Variants in MARCHF4 observed in about 807,000 individuals in gnomAD.
MARCHF4 encodes the protein E3 ubiquitin-protein ligase MARCHF4.
MARCHF4 carries 14 observed loss-of-function variants against 43.9 expected under a neutral mutation model. The ratio of observed to expected loss-of-function variants is 0.32; its 90% CI spans 0.21 to 0.50. The LOEUF (loss-of-function observed/expected upper bound fraction) is 0.50. MARCHF4 is among the 20% of genes least tolerant of loss of function. MARCHF4 has a pLI of 0.98. For missense variants in MARCHF4, 468 were observed against 536.7 expected (o/e 0.87, Z 1.27); for synonymous variants, 226 against 213.3 (o/e 1.06, Z -0.52).
intron 1 of MARCHF4, among the ~76,000 whole-genome samples, chr2:216,323,599 T>C (rs1258075577): frequency 1.3e-5 from 2 of 151,904 alleles, no homozygotes; most frequent in African/African-American, 4.8e-5. Context: ...AGAACACAAA[T>C]TATAACAAAC....
intron 3 of MARCHF4, among the ~76,000 whole-genome samples, chr2:216,274,591 G>C (rs1690992528): frequency 6.6e-6 from 1 of 152,084 alleles, no homozygotes; most frequent in Non-Finnish European, 1.5e-5. Context: ...TTTACCATCA[G>C]TAAAATCCCC....
intron 1 of MARCHF4, among the ~76,000 whole-genome samples, chr2:216,368,933 G>T (rs949456200): frequency 6.6e-6 from 1 of 152,290 alleles, no homozygotes; most frequent in Middle Eastern, 3.4e-3. Flanking sequence ...GGGAAAACCT[G>T]CCAGACTTGG....
chr2:216,281,015 G>C (rs1291518986), intron 2 of MARCHF4, among the ~76,000 whole-genome samples: 1 of 150,142 alleles, frequency 6.7e-6, no homozygotes, highest in Non-Finnish European at 1.5e-5. Flanking sequence ...TCGCTGAGAT[G>C]ATGCCCCATG....
At chr2:216,287,818 T>G (rs1691241269) in intron 1 of MARCHF4, among the ~76,000 whole-genome samples, 1 of 151,574 alleles carries the variant, frequency 6.6e-6, no homozygotes, top group Non-Finnish European at 1.5e-5. Flanking sequence ...AAAAAGAACA[T>G]GGTTTTGGGA....
At chr2:216,312,555 T>C (rs1030976557) in intron 1 of MARCHF4, among the ~76,000 whole-genome samples, 11 of 152,210 alleles carry the variant, frequency 7.2e-5, no homozygotes, top group African/African-American at 2.7e-4. Context: ...CATCTGTTGT[T>C]TTCTGACTTT....
intron 1 of MARCHF4, among the ~76,000 whole-genome samples, chr2:216,311,340 C>T (rs865791299): frequency 2.6e-5 from 4 of 152,080 alleles, no homozygotes; most frequent in Non-Finnish European, 5.9e-5. Flanking sequence ...TCACTGCAAC[C>T]TCCGCCTCCC....
Position 216,370,349 on chromosome 2 carries a change from T to A in MARCHF4, c.-89A>T. The A allele has an allele frequency of 1.6e-6, 2 of 1,213,452 alleles. No homozygotes were observed. Among genetic ancestry groups the A allele is most frequent in the Non-Finnish European group, 2.2e-6 (2 of 899,780 alleles). 75.2% of individuals were successfully genotyped at this position (1,213,452 alleles called of 1,614,324 possible). ...AGGTTTTGGGGGTCCACAGTGGATC[T>A]GTGTTGTGGGGGGAGTCTGCTTTCT... On this transcript the variant is annotated 5_prime_UTR_variant, in exon 1 of 4. Transcript: ENST00000273067.
chr2:216,352,020 C>G (rs1692411240), intron 1 of MARCHF4, among the ~76,000 whole-genome samples: 1 of 152,168 alleles, frequency 6.6e-6, no homozygotes, highest in Non-Finnish European at 1.5e-5. Context: ...GTATGTGCTG[C>G]ATTTCTGACT....
At chr2:216,362,364 C>T (rs1331192460) in intron 1 of MARCHF4, among the ~76,000 whole-genome samples, 2 of 152,186 alleles carry the variant, frequency 1.3e-5, no homozygotes, top group East Asian at 3.8e-4. Context: ...TGAACATGTG[C>T]AAGTAGCAGG....
intron 1 of MARCHF4, among the ~76,000 whole-genome samples, chr2:216,311,725 A>G (rs1691690043): frequency 6.6e-6 from 1 of 152,238 alleles, no homozygotes; most frequent in Admixed American, 6.5e-5. Context: ...ATGGGCTTGC[A>G]TAAGAGTAAG....
intron 1 of MARCHF4, among the ~76,000 whole-genome samples, chr2:216,332,740 G>A (rs974913196): frequency 1.3e-5 from 2 of 152,102 alleles, no homozygotes; most frequent in African/African-American, 4.8e-5. Context: ...TAACAAAGCT[G>A]TCTGAACTAC....
chr2:216,338,918 G>C (rs937536138), intron 1 of MARCHF4, among the ~76,000 whole-genome samples: 4 of 152,162 alleles, frequency 2.6e-5, no homozygotes, highest in African/African-American at 9.7e-5. Flanking sequence ...ATTTACAAGA[G>C]AAAAAGCCAA....
chr2:216,315,930 C>T (rs532625140), intron 1 of MARCHF4, among the ~76,000 whole-genome samples: 1 of 152,162 alleles, frequency 6.6e-6, no homozygotes, highest in Non-Finnish European at 1.5e-5. Flanking sequence ...TTCCTGGGAG[C>T]AGGTCTGTCT....
intron 1 of MARCHF4, among the ~76,000 whole-genome samples, chr2:216,298,919 A>T (rs897765210): frequency 1.3e-5 from 2 of 152,202 alleles, no homozygotes; most frequent in Admixed American, 6.5e-5. Context: ...TAAGGCTGTT[A>T]CACATACTGC....
chr2:216,280,184 G>A (rs207811), intron 2 of MARCHF4, among the ~76,000 whole-genome samples: 55,127 of 151,610 alleles, frequency 0.36, 10,722 homozygotes, highest in African/African-American at 0.47. Context: ...GAGAGTGAGC[G>A]AGCTCTGAAA....
At chr2:216,299,120 T>C (rs537681359) in intron 1 of MARCHF4, among the ~76,000 whole-genome samples, 1 of 152,338 alleles carries the variant, frequency 6.6e-6, no homozygotes, top group South Asian at 2.1e-4. Flanking sequence ...GATTTTTTTT[T>C]TTCCCTACCT....
intron 3 of MARCHF4, among the ~76,000 whole-genome samples, chr2:216,260,977 G>C (rs538884535): frequency 1.3e-5 from 2 of 152,190 alleles, no homozygotes; most frequent in African/African-American, 4.8e-5. Context: ...CGCAGGGTGG[G>C]AGTGAAGAGA....
rs1014278247 is a variant in MARCHF4, at chr2:216,351,681, C to T, written c.516+18064G>A. ...GAGGCCTTGTCCGTTTTGTTTATGACGATATGGCTATGGCTAGCACAGCAT... is the reference window on the plus strand; with the variant it reads ...GAGGCCTTGTCCGTTTTGTTTATGATGATATGGCTATGGCTAGCACAGCAT... On this transcript the variant is annotated intron_variant, in intron 1 of 3. Transcript: ENST00000273067. Among the ~76,000 whole-genome samples, 14 of 152,220 alleles carry T rather than the reference C, an allele frequency of 9.2e-5. No homozygotes were observed. The East Asian group carries it at 9.7e-4, about 10-fold the overall frequency.
At chr2:216,358,961 G>T (rs1365655483) in intron 1 of MARCHF4, among the ~76,000 whole-genome samples, 2 of 152,262 alleles carry the variant, frequency 1.3e-5, no homozygotes, top group African/African-American at 4.8e-5. Context: ...GGGAGAAATG[G>T]GAAGCAAGCC....
Sources: gnomAD v4.1 joint callset for allele counts (sites outside exome capture counted in the v4.1 genomes callset) on GRCh38, gnomAD v4.1.1 for gene constraint, MANE v1.5 for transcripts, NCBI Gene and HGNC (gene_info 2026-07-23, HGNC 2026-07-21) for gene names.